The following RMI1 variants were observed in gnomAD, a reference collection of about 807,000 sequenced individuals.
The protein encoded by RMI1 is recQ-mediated genome instability protein 1.
Under a neutral mutation model 46.7 loss-of-function variants are expected in RMI1, and 36 were observed. The ratio of observed to expected loss-of-function variants is 0.77; its 90% CI spans 0.59 to 1.02. The LOEUF is 1.02. Ranked by LOEUF, RMI1 falls within the 50% of genes least tolerant of loss-of-function variation. The pLI, the probability that RMI1 is intolerant of heterozygous loss-of-function variation, is 0.00. For missense variants in RMI1, 676 were observed against 713.7 expected (o/e 0.95, Z 0.60); for synonymous variants, 250 against 252.9 (o/e 0.99, Z 0.11).
chr9:83,982,466 A>G (rs568905124), intron 1 of RMI1, among the ~76,000 whole-genome samples: 1 of 151,976 alleles, frequency 6.6e-6, no homozygotes, highest in Non-Finnish European at 1.5e-5. Flanking sequence ...GATCGAGACC[A>G]TCCTGGCTAA....
chr9:83,987,181 G>C (rs1265153565), intron 1 of RMI1, among the ~76,000 whole-genome samples: 11 of 152,036 alleles, frequency 7.2e-5, no homozygotes, highest in Non-Finnish European at 8.8e-5. Context: ...TTCTGCCTCA[G>C]CCTCCTGAGT....
intron 2 of RMI1, among the ~76,000 whole-genome samples, chr9:84,000,522 G>A (rs1957722112): frequency 6.6e-6 from 1 of 152,074 alleles, no homozygotes; most frequent in Non-Finnish European, 1.5e-5. Context: ...CATCCACTGG[G>A]GGTATTGGAG....
At chr9:83,993,407 G>A (rs897357130) in intron 1 of RMI1, among the ~76,000 whole-genome samples, 6 of 152,208 alleles carry the variant, frequency 3.9e-5, no homozygotes, top group East Asian at 1.9e-4. Flanking sequence ...TGGACATTTC[G>A]ATTGTTTCTG....
chr9:83,985,424 G>A (rs1957475142), intron 1 of RMI1, among the ~76,000 whole-genome samples: 1 of 152,086 alleles, frequency 6.6e-6, no homozygotes, highest in South Asian at 2.1e-4. Flanking sequence ...TAGTTGTATT[G>A]GAATGCTTGT....
Position 84,001,503 on chromosome 9 carries a change from A to G in RMI1, c.517A>G (p.Ile173Val). 1 of 1,613,984 alleles carries G rather than the reference A, an allele frequency of 6.2e-7. No individual in the cohort carries two copies. Among genetic ancestry groups the G allele is most frequent in the Non-Finnish European group, 8.5e-7 (1 of 1,179,982 alleles). ...TACAAAAATTTTGATTTATGGAAAT[A>G]TATCTTTCCGTCTTGGTGTTCTCTT... ...PGTKILIYGN[I>V]SFRLGVLLLK... is the part of the protein sequence containing the mutation. Residue 173 changes from isoleucine (I) to valine (V), a missense_variant, in exon 3 of 3, where the codon ATA (isoleucine) becomes GTA (valine). Transcript: ENST00000445877.
At chr9:83,991,640 C>T (rs995016113) in intron 1 of RMI1, among the ~76,000 whole-genome samples, 3 of 152,144 alleles carry the variant, frequency 2.0e-5, no homozygotes, top group Non-Finnish European at 2.9e-5. Context: ...TCTAGGAAAA[C>T]TTTTAGGAAA....
chr9:84,001,252 T>G lies in RMI1; in HGVS notation c.266T>G (p.Ile89Ser). ...TTAAATGGATTTTATGCTCTGCAGA[T>G]TAATTCCTTGGTTGATGTAAGTCAG... Reference protein sequence around the residue: ...GELNGFYALQINSLVDVSQPA... With the variant: ...GELNGFYALQSNSLVDVSQPA... Residue 89 changes from isoleucine (I) to serine (S), a missense_variant, in exon 3 of 3, where the codon ATT becomes AGT. Coordinates refer to ENST00000445877, the MANE Select transcript of RMI1 (RefSeq NM_001358291.2). 6.2e-7 allele frequency: 1 copy of G among 1,614,128 alleles called. No homozygotes were observed. Among genetic ancestry groups the G allele is most frequent in the Non-Finnish European group, 8.5e-7 (1 of 1,179,988 alleles).
intron 1 of RMI1, among the ~76,000 whole-genome samples, chr9:83,981,516 C>G (rs573997982): frequency 3.3e-5 from 5 of 152,274 alleles, no homozygotes; most frequent in South Asian, 4.1e-4. Context: ...GGCTCCTGTG[C>G]CAAGCTTTCA....
chr9:83,980,635 G>A (rs1486635860), upstream of RMI1: 3 of 153,290 alleles, frequency 2.0e-5, no homozygotes, highest in Non-Finnish European at 2.9e-5. Context: ...CTCACTAGCT[G>A]GGGGGAGGGG....
At position 84,001,007 on chromosome 9, in the gene RMI1, A is replaced by C. The variant is rs762626725; in HGVS notation, c.21A>C (p.Ala7=). 48 of 1,610,440 alleles carry C rather than the reference A, an allele frequency of 3.0e-5. No individual in the cohort carries two copies. The highest frequency in any genetic ancestry group is 4.1e-5 in the Non-Finnish European group (48 of 1,178,452). MNVTSI[A]LRAETWLLAA... ...AAGAAATGAATGTGACTAGTATTGC[A>C]TTAAGAGCTGAAACTTGGCTTTTAG... The change falls in exon 3 of 3, where the codon GCA becomes GCC. Residue 7 remains alanine (A), a synonymous_variant. Coordinates refer to ENST00000445877, the MANE Select transcript of RMI1 (RefSeq NM_001358291.2).
At chr9:83,990,999 G>T (rs1282668171) in intron 1 of RMI1, among the ~76,000 whole-genome samples, 1 of 152,010 alleles carries the variant, frequency 6.6e-6, no homozygotes, top group Non-Finnish European at 1.5e-5. Context: ...TAGAGACGGG[G>T]TTTCTCCACG....
intron 1 of RMI1, among the ~76,000 whole-genome samples, chr9:83,987,418 T>G (rs1957507355): frequency 6.6e-6 from 1 of 152,254 alleles, no homozygotes; most frequent in African/African-American, 2.4e-5. Flanking sequence ...TAGATTGTTT[T>G]CTTTATATTT....
At position 84,002,925 on chromosome 9, in the gene RMI1, A is replaced by G. The variant is rs1957761551; in HGVS notation, c.*61A>G. 2 of 1,035,380 alleles carry G rather than the reference A, an allele frequency of 1.9e-6. No homozygotes were observed. Among genetic ancestry groups the G allele is most frequent in the Admixed American group, 5.2e-5 (2 of 38,458 alleles). 64.1% of individuals were successfully genotyped at this position (1,035,380 alleles called of 1,614,324 possible). ...ACAAGGAAATATTTAGAATTTGTTC[A>G]CAATTTTACTTATGATACTTTGTGT... On this transcript the variant is annotated 3_prime_UTR_variant, in exon 3 of 3. Transcript: ENST00000445877.
Position 84,003,510 on chromosome 9 carries a change from C to G in RMI1, c.*646C>G, listed in dbSNP as rs971205790. On this transcript the variant is annotated 3_prime_UTR_variant, in exon 3 of 3. Transcript: ENST00000445877. ...TCTAATATGTTGGTACTGTCTATGG[C>G]CATACCACCCTGAACATGCCTGAGC... The G allele has an allele frequency of 6.0e-6, 1 of 166,594 alleles. No homozygotes were observed. Among genetic ancestry groups the G allele is most frequent in the African/African-American group, 2.4e-5 (1 of 41,366 alleles). 10.3% of individuals were successfully genotyped at this position (166,594 alleles called of 1,614,324 possible). A position where few individuals can be genotyped will look rare whatever the true frequency, so the allele number is the denominator to read the frequency against.
intron 1 of RMI1, among the ~76,000 whole-genome samples, chr9:83,990,139 G>A (rs1346767145): frequency 6.6e-6 from 1 of 152,172 alleles, no homozygotes; most frequent in Non-Finnish European, 1.5e-5. Flanking sequence ...TCTCGGGAAG[G>A]TAGAGAGTAG....
At chr9:84,000,315 C>A (rs926571115) in intron 2 of RMI1, among the ~76,000 whole-genome samples, 1 of 152,050 alleles carries the variant, frequency 6.6e-6, no homozygotes, top group Non-Finnish European at 1.5e-5. Context: ...CAGAAAATTC[C>A]AGAAATAATT....
intron 1 of RMI1, among the ~76,000 whole-genome samples, chr9:83,990,952 C>T (rs149914227): frequency 1.2e-3 from 187 of 152,136 alleles, no homozygotes; most frequent in African/African-American, 4.1e-3. Context: ...GGATTACAGG[C>T]GTGTCCCACC....
In RMI1 at chr9:84,002,221, A is replaced by T; in HGVS notation, c.1235A>T (p.His412Leu). ...FSVHCNVPLAHDFTNKEKNLE... is the reference protein window; with the variant it reads ...FSVHCNVPLALDFTNKEKNLE... ...GTTCATTGTAATGTACCCTTAGCCCATGATTTTACAAATAAAGAAAAGAAC... is the reference window on the plus strand; with the variant it reads ...GTTCATTGTAATGTACCCTTAGCCCTTGATTTTACAAATAAAGAAAAGAAC... Residue 412 changes from histidine (H) to leucine (L), a missense_variant, in exon 3 of 3, where the codon CAT becomes CTT. Coordinates refer to ENST00000445877, the MANE Select transcript of RMI1 (RefSeq NM_001358291.2). 6.2e-7 allele frequency: 1 copy of T among 1,607,806 alleles called. No homozygotes were observed.
Position 84,003,400 on chromosome 9 carries a change from A to G in RMI1, c.*536A>G, listed in dbSNP as rs1047479267. The G allele has an allele frequency of 1.8e-5, 3 of 167,160 alleles. No individual in the cohort carries two copies. The highest frequency in any genetic ancestry group is 2.9e-5 in the Non-Finnish European group (2 of 68,174). 10.4% of individuals were successfully genotyped at this position (167,160 alleles called of 1,614,324 possible). A position where few individuals can be genotyped will look rare whatever the true frequency, so the allele number is the denominator to read the frequency against. ...ATTTGTTTTCCACTTGTCACGTCAC[A>G]TAAGATGATTGCTAAAATATTGTAC... On this transcript the variant is annotated 3_prime_UTR_variant, in exon 3 of 3. Transcript: ENST00000445877.
Sources: allele counts gnomAD v4.1 joint callset (sites outside exome capture counted in the v4.1 genomes callset), GRCh38; gene constraint gnomAD v4.1.1; transcripts MANE v1.5; gene names NCBI Gene and HGNC (gene_info 2026-07-23, HGNC 2026-07-21).